The following HNRNPA1L2 variants were observed in gnomAD, a reference collection of about 807,000 sequenced individuals.
The protein encoded by HNRNPA1L2 is heterogeneous nuclear ribonucleoprotein A1-like 2.
A neutral mutation model predicts 18.2 loss-of-function variants in HNRNPA1L2; 10 were observed. The ratio of observed to expected loss-of-function variants is 0.55; its 90% confidence interval spans 0.34 to 0.93. The LOEUF (loss-of-function observed/expected upper bound fraction) is 0.93, where lower values mean the gene tolerates loss of function less well. HNRNPA1L2 is among the 40% of genes least tolerant of loss of function. HNRNPA1L2 has a pLI of 0.02. For missense variants in HNRNPA1L2, 308 were observed against 394.4 expected (o/e 0.78, Z 1.85); for synonymous variants, 124 against 138.6 (o/e 0.89, Z 0.74).
the HNRNPA1L2 span, among the ~76,000 whole-genome samples, chr13:52,636,397 C>T: frequency 6.6e-6 from 1 of 152,186 alleles, no homozygotes; most frequent in African/African-American, 2.4e-5. Flanking sequence ...GCAGCAGTAA[C>T]TGGTCGGAAT....
At chr13:52,626,803 CTG>C in the HNRNPA1L2 span, among the ~76,000 whole-genome samples, 86 of 152,104 alleles carry the variant, frequency 5.7e-4, 1 homozygote, top group Admixed American at 5.4e-3. Context: ...AACCAAGACA[CTG>C]TGTTTCCCAT....
chr13:52,630,615 C>T, the HNRNPA1L2 span, among the ~76,000 whole-genome samples: 30 of 152,282 alleles, frequency 2.0e-4, no homozygotes, highest in Middle Eastern at 6.8e-3. Context: ...GGAGTGTTTT[C>T]AATACATTGT....
At chr13:52,636,991 C>T in the HNRNPA1L2 span, among the ~76,000 whole-genome samples, 2 of 152,066 alleles carry the variant, frequency 1.3e-5, no homozygotes, top group Non-Finnish European at 2.9e-5. Context: ...ACCACTGTGC[C>T]CAGCTAATTT....
At chr13:52,627,774 C>A in the HNRNPA1L2 span, among the ~76,000 whole-genome samples, 3 of 151,946 alleles carry the variant, frequency 2.0e-5, no homozygotes, top group Admixed American at 2.0e-4. Context: ...TTTAAGAGAC[C>A]AATTGAATAG....
At chr13:52,632,364 AT>A in the HNRNPA1L2 span, 3 of 152,188 alleles carry the variant, frequency 2.0e-5, no homozygotes, top group Non-Finnish European at 4.4e-5. Flanking sequence ...TTTCACTTAA[AT>A]TTTTTTCTCA....
upstream of HNRNPA1L2, among the ~76,000 whole-genome samples, chr13:52,638,705 G>A (rs1475246911): frequency 2.0e-5 from 3 of 152,114 alleles, no homozygotes; most frequent in Non-Finnish European, 2.9e-5. Context: ...TTCATTCTAA[G>A]TAACCAAATC....
At chr13:52,630,184 C>G in the HNRNPA1L2 span, among the ~76,000 whole-genome samples, 8 of 152,236 alleles carry the variant, frequency 5.3e-5, no homozygotes, top group African/African-American at 1.9e-4. Flanking sequence ...AGTTTCTATT[C>G]TTTCTCTCCT....
upstream of HNRNPA1L2, among the ~76,000 whole-genome samples, chr13:52,639,876 GTTTTTTTT>G (rs371984561): frequency 1.8e-5 from 1 of 56,994 alleles, no homozygotes; most frequent in Middle Eastern, 0.011. Context: ...TGTTGTTCTT[GTTTTTTTT>G]TTTTTTTTTT....
At chr13:52,634,815 G>T in the HNRNPA1L2 span, among the ~76,000 whole-genome samples, 14 of 151,678 alleles carry the variant, frequency 9.2e-5, no homozygotes, top group Admixed American at 6.6e-5. Context: ...TTCAAATTCC[G>T]ATTCTGCCTC....
chr13:52,643,474 C>G lies in HNRNPA1L2; in HGVS notation c.*19C>G, dbSNP rs531688506. ...ATTTTAATTAGGAAACAAAGCTTAG[C>G]AGGAGAGGAGAGCCAGAGAAGTGAC... is the stretch of plus-strand genomic sequence containing the variant. On this transcript the variant is annotated 3_prime_UTR_variant, in exon 1 of 1. Coordinates refer to ENST00000357495, the MANE Select transcript of HNRNPA1L2 (RefSeq NM_001389320.1). 1 of 1,576,766 alleles carries G rather than the reference C, an allele frequency of 6.3e-7. No individual in the cohort carries two copies. The highest frequency in any genetic ancestry group is 8.6e-7 in the Non-Finnish European group (1 of 1,161,980).
chr13:52,619,637 A>C, the HNRNPA1L2 span, among the ~76,000 whole-genome samples: 1 of 149,878 alleles, frequency 6.7e-6, no homozygotes, highest in Non-Finnish European at 1.5e-5. Context: ...GTGTAGAATA[A>C]TAGGCTGGGC....
chr13:52,638,961 G>A (rs933017900), upstream of HNRNPA1L2, among the ~76,000 whole-genome samples: 11 of 152,284 alleles, frequency 7.2e-5, no homozygotes, highest in East Asian at 1.9e-4. Context: ...TATTTTCCAC[G>A]AGATCAGTAA....
At chr13:52,631,597 C>T in the HNRNPA1L2 span, among the ~76,000 whole-genome samples, 1 of 152,146 alleles carries the variant, frequency 6.6e-6, no homozygotes, top group South Asian at 2.1e-4. Context: ...ACTTGTATGA[C>T]TTGAAATCAC....
chr13:52,625,005 T>G, the HNRNPA1L2 span, among the ~76,000 whole-genome samples: 1 of 151,852 alleles, frequency 6.6e-6, no homozygotes, highest in East Asian at 1.9e-4. Flanking sequence ...CACTCCAGCA[T>G]GGGCAACAGA....
At chr13:52,632,764 C>G in the HNRNPA1L2 span, among the ~76,000 whole-genome samples, 1 of 152,212 alleles carries the variant, frequency 6.6e-6, no homozygotes, top group South Asian at 2.1e-4. Context: ...CTGGGCAGCT[C>G]TAGAGTCACC....
At chr13:52,617,642 G>T in the HNRNPA1L2 span, 4 of 468,866 alleles carry the variant, frequency 8.5e-6, no homozygotes, top group African/African-American at 6.0e-5. Flanking sequence ...GACATCAGCG[G>T]CTGCAATTTT....
At chr13:52,639,829 T>A (rs555268281), upstream of HNRNPA1L2, among the ~76,000 whole-genome samples, 1 of 150,320 alleles carries the variant, frequency 6.7e-6, no homozygotes, top group South Asian at 2.1e-4. Context: ...AATTTCTCCA[T>A]CAAACTGGGT....
chr13:52,627,875 G>A, the HNRNPA1L2 span, among the ~76,000 whole-genome samples: 1 of 152,074 alleles, frequency 6.6e-6, no homozygotes, highest in Non-Finnish European at 1.5e-5. Flanking sequence ...GAATAAGATA[G>A]CTTTTCTGAG....
Position 52,643,749 on chromosome 13 carries a change from G to A in HNRNPA1L2, c.*294G>A. On this transcript the variant is annotated 3_prime_UTR_variant, in exon 1 of 1. Transcript: ENST00000357495. ...GCACCCATGCTGTTGATTGCTAAATGTAATAGTCTGATTGTGACGCTGAAT... is the reference window on the plus strand; with the variant it reads ...GCACCCATGCTGTTGATTGCTAAATATAATAGTCTGATTGTGACGCTGAAT... The A allele has an allele frequency of 2.2e-6, 1 of 449,910 alleles. No individual in the cohort carries two copies. Among genetic ancestry groups the A allele is most frequent in the South Asian group, 2.3e-5 (1 of 43,162 alleles). The allele number at this position is 449,910 out of a possible 1,614,324, so 27.9% of individuals were successfully genotyped here. A position where few individuals can be genotyped will look rare whatever the true frequency, so the allele number is the denominator to read the frequency against.
Sources: allele counts gnomAD v4.1 joint callset (sites outside exome capture counted in the v4.1 genomes callset), GRCh38; gene constraint gnomAD v4.1.1; transcripts MANE v1.5; gene names NCBI Gene and HGNC (gene_info 2026-07-23, HGNC 2026-07-21).